TYR: variants seen among roughly 807,000 people sequenced by gnomAD.
TYR encodes the protein tyrosinase.
TYR carries 58 observed loss-of-function variants against 51.5 expected under a neutral mutation model. The observed-to-expected ratio is 1.13, with a 90% CI of 0.91 to 1.40. The LOEUF is 1.40. Among genes scored for constraint, TYR ranks in the 40% most tolerant of loss-of-function variants. TYR has a pLI of 0.00. For missense variants in TYR, 732 were observed against 647.4 expected (o/e 1.13, Z -1.42); for synonymous variants, 263 against 235.2 (o/e 1.12, Z -1.08).
chr11:89,289,733 A>G (rs1174911014), intron 4 of TYR, among the ~76,000 whole-genome samples: 1 of 152,070 alleles, frequency 6.6e-6, no homozygotes, highest in Non-Finnish European at 1.5e-5. Flanking sequence ...AATAAGACAT[A>G]TATAAATAGA....
At chr11:89,189,352 G>A (rs1019696833) in intron 1 of TYR, among the ~76,000 whole-genome samples, 4 of 151,760 alleles carry the variant, frequency 2.6e-5, no homozygotes, top group African/African-American at 7.3e-5. Flanking sequence ...TTTTAAGACG[G>A]TATTTCTACA....
At chr11:89,292,403 G>A (rs1479629379) in intron 4 of TYR, among the ~76,000 whole-genome samples, 1 of 152,008 alleles carries the variant, frequency 6.6e-6, no homozygotes, top group African/African-American at 2.4e-5. Flanking sequence ...ATAATGTGAC[G>A]GGTATGATAA....
At chr11:89,262,847 C>CAAAAAAAAAA (rs771958187) in intron 3 of TYR, among the ~76,000 whole-genome samples, 27 of 19,268 alleles carry the variant, frequency 1.4e-3, no homozygotes, top group Non-Finnish European at 1.5e-3. Context: ...GCTACTCATC[C>CAAAAAAAAAA]AAAAAAAAAA....
intron 3 of TYR, among the ~76,000 whole-genome samples, chr11:89,278,605 T>C (rs1944685559): frequency 6.6e-6 from 1 of 151,204 alleles, no homozygotes. Flanking sequence ...TAAGTAAATA[T>C]TTTATAATTA....
At chr11:89,188,531 T>C (rs1471346192) in intron 1 of TYR, among the ~76,000 whole-genome samples, 3 of 152,042 alleles carry the variant, frequency 2.0e-5, no homozygotes, top group Admixed American at 6.6e-5. Flanking sequence ...ATGATTCTGA[T>C]TTGCCAATTG....
At chr11:89,219,286 G>T (rs903601264) in intron 2 of TYR, among the ~76,000 whole-genome samples, 3 of 147,242 alleles carry the variant, frequency 2.0e-5, no homozygotes, top group African/African-American at 7.7e-5. Context: ...GCAGCAGAAT[G>T]ACAGAGTGAC....
At chr11:89,228,733 T>C (rs2135282617) in intron 3 of TYR, among the ~76,000 whole-genome samples, 1 of 152,332 alleles carries the variant, frequency 6.6e-6, no homozygotes, top group Middle Eastern at 3.4e-3. Context: ...TTTAATTCTC[T>C]TGGAGCTTTT....
In TYR at chr11:89,178,599, T is replaced by C. The variant is rs61754363; in HGVS notation, c.646T>C (p.Leu216=). ...AFLPWHRLFL[L]RWEQEIQKLT... ...TCTGCCTTGGCATAGACTCTTCTTG[T>C]TGCGGTGGGAACAAGAAATCCAGAA... The change falls in exon 1 of 5, where the codon TTG becomes CTG. Residue 216 remains leucine, a synonymous_variant. Transcript: ENST00000263321. The C allele has an allele frequency of 2.0e-5, 32 of 1,613,026 alleles. No individual in the cohort carries two copies. Among genetic ancestry groups the C allele is most frequent in the Non-Finnish European group, 2.5e-5 (30 of 1,179,352 alleles).
chr11:89,211,494 A>G (rs540845207), intron 2 of TYR, among the ~76,000 whole-genome samples: 225 of 152,258 alleles, frequency 1.5e-3, no homozygotes, highest in Non-Finnish European at 2.1e-3. Context: ...CTCCCATACA[A>G]TAATAGTGGG....
At chr11:89,181,914 T>A (rs1263885518) in intron 1 of TYR, among the ~76,000 whole-genome samples, 2 of 152,176 alleles carry the variant, frequency 1.3e-5, no homozygotes, top group Non-Finnish European at 2.9e-5. Context: ...TGACATTTGA[T>A]CACGTTGACT....
At chr11:89,260,826 C>A (rs1356146336) in intron 3 of TYR, among the ~76,000 whole-genome samples, 1 of 152,132 alleles carries the variant, frequency 6.6e-6, no homozygotes, top group Non-Finnish European at 1.5e-5. Context: ...GGGTCCCCAA[C>A]CCCTGGGCCA....
intron 2 of TYR, among the ~76,000 whole-genome samples, chr11:89,218,883 G>C (rs1943870848): frequency 6.6e-6 from 1 of 152,178 alleles, no homozygotes; most frequent in African/African-American, 2.4e-5. Context: ...CCAAGTTTTA[G>C]ATGCAGCTAG....
At chr11:89,278,121 A>T (rs866041836) in intron 3 of TYR, among the ~76,000 whole-genome samples, 9 of 151,690 alleles carry the variant, frequency 5.9e-5, no homozygotes, top group Non-Finnish European at 1.3e-4. Context: ...CCAATCAAAG[A>T]TTCTTTCCAA....
intron 2 of TYR, among the ~76,000 whole-genome samples, chr11:89,211,690 A>C (rs1943758326): frequency 6.6e-6 from 1 of 152,210 alleles, no homozygotes; most frequent in Non-Finnish European, 1.5e-5. Context: ...TTGACCACAT[A>C]ATTGGAAGTA....
intron 2 of TYR, among the ~76,000 whole-genome samples, chr11:89,209,093 A>G (rs900912060): frequency 2.6e-5 from 4 of 152,192 alleles, no homozygotes; most frequent in African/African-American, 9.7e-5. Context: ...CTGGTCGGAC[A>G]GTGGGTGCAG....
chr11:89,290,470 T>C (rs1470995126), intron 4 of TYR, among the ~76,000 whole-genome samples: 1 of 152,090 alleles, frequency 6.6e-6, no homozygotes, highest in Non-Finnish European at 1.5e-5. Flanking sequence ...AGCCTCTATG[T>C]ATCCTGCCTT....
intron 3 of TYR, among the ~76,000 whole-genome samples, chr11:89,242,269 G>T (rs1400467123): frequency 1.3e-5 from 2 of 152,062 alleles, no homozygotes; most frequent in Non-Finnish European, 1.5e-5. Flanking sequence ...GTGCAGTGGT[G>T]CAATCTCAGC....
chr11:89,266,617 CA>C (rs1944529264), intron 3 of TYR, among the ~76,000 whole-genome samples: 1 of 151,944 alleles, frequency 6.6e-6, no homozygotes, highest in South Asian at 2.1e-4. Context: ...CTTCAAAGGG[CA>C]ATAGTCTTCC....
intron 1 of TYR, among the ~76,000 whole-genome samples, chr11:89,182,718 A>T (rs1296090776): frequency 6.6e-6 from 1 of 152,170 alleles, no homozygotes; most frequent in East Asian, 1.9e-4. Context: ...ATAGTTCATT[A>T]TATTTGGAGG....
Sources: allele counts gnomAD v4.1 joint callset (sites outside exome capture counted in the v4.1 genomes callset), GRCh38; gene constraint gnomAD v4.1.1; transcripts MANE v1.5; gene names NCBI Gene and HGNC (gene_info 2026-07-23, HGNC 2026-07-21).